The following PARD3B variants were observed in gnomAD, a reference collection of about 807,000 sequenced individuals.
The protein encoded by PARD3B is partitioning defective 3 homolog B.
Under a neutral mutation model 130.2 loss-of-function variants are expected in PARD3B, and 103 were observed. The ratio of observed to expected loss-of-function variants is 0.79; its 90% CI spans 0.67 to 0.93. The LOEUF is 0.93. PARD3B is among the 40% of genes least tolerant of loss of function. The pLI is 0.00. For missense variants in PARD3B, 1,609 were observed against 1,499.2 expected (o/e 1.07, Z -1.21); for synonymous variants, 583 against 553.2 (o/e 1.05, Z -0.76).
rs770617179 is a variant in PARD3B at position 205,021,484 on chromosome 2, A to G, written c.395-26097A>G. On this transcript the variant is annotated intron_variant, in intron 3 of 22. Transcript: ENST00000406610. The surrounding 1 kb of genome is among the most constrained non-coding windows in gnomAD (Gnocchi z 4.5). Reference sequence around the variant, plus strand: ...TGCTCACACAGCCTCTGGAAGTGGTAACTTTGGAAGGACTGGTTGCAAAGT... The same window carrying G: ...TGCTCACACAGCCTCTGGAAGTGGTGACTTTGGAAGGACTGGTTGCAAAGT... Among the ~76,000 whole-genome samples the G allele has an allele frequency of 1.2e-4, 18 of 152,068 alleles. No homozygotes were observed. Among genetic ancestry groups the G allele is most frequent in the Admixed American group, 2.0e-4 (3 of 15,248 alleles).
At chr2:204,873,488 T>C (rs533537117) in intron 2 of PARD3B, among the ~76,000 whole-genome samples, 2 of 152,252 alleles carry the variant, frequency 1.3e-5, no homozygotes, top group African/African-American at 4.8e-5. Flanking sequence ...TCCGCAGGAC[T>C]TTCCTAAGCA....
chr2:205,064,062 A>G (rs1700216057), intron 4 of PARD3B, among the ~76,000 whole-genome samples: 2 of 152,222 alleles, frequency 1.3e-5, no homozygotes, highest in African/African-American at 4.8e-5. Context: ...CATTGGGAAC[A>G]GCCCTGTGGA....
intron 21 of PARD3B, among the ~76,000 whole-genome samples, chr2:205,547,090 A>G (rs2052412035): frequency 6.6e-6 from 1 of 152,290 alleles, no homozygotes; most frequent in Non-Finnish European, 1.5e-5. Context: ...CTAACATTGT[A>G]TCCCTGAGGG....
intron 20 of PARD3B, among the ~76,000 whole-genome samples, chr2:205,491,430 T>C (rs2049705573): frequency 6.6e-6 from 1 of 152,162 alleles, no homozygotes; most frequent in South Asian, 2.1e-4. Context: ...ATATGCAGCA[T>C]TATTTCTGAG....
intron 15 of PARD3B, among the ~76,000 whole-genome samples, chr2:205,205,132 T>C (rs1002928018): frequency 6.6e-6 from 1 of 152,194 alleles, no homozygotes. Context: ...CCTTGAGCAG[T>C]GGTTTGTAGT....
intron 1 of PARD3B, among the ~76,000 whole-genome samples, chr2:204,562,585 C>T (rs966865104): frequency 1.7e-4 from 26 of 152,086 alleles, no homozygotes; most frequent in Non-Finnish European, 2.8e-4. Flanking sequence ...TTTTACTTGT[C>T]ATCTTGTTTT....
intron 1 of PARD3B, among the ~76,000 whole-genome samples, chr2:204,651,221 GAGACA>G (rs2035465510): frequency 6.6e-6 from 1 of 152,270 alleles, no homozygotes; most frequent in East Asian, 1.9e-4. Context: ...AGTCTCATCA[GAGACA>G]AGACAAGTCC....
intron 18 of PARD3B, among the ~76,000 whole-genome samples, chr2:205,383,813 T>C (rs2045567186): frequency 6.6e-6 from 1 of 152,114 alleles, no homozygotes; most frequent in Admixed American, 6.6e-5. Flanking sequence ...ATATGTAGCC[T>C]TTTGGATCTG....
At chr2:205,583,663 A>G (rs978362956) in intron 22 of PARD3B, among the ~76,000 whole-genome samples, 3 of 152,204 alleles carry the variant, frequency 2.0e-5, no homozygotes, top group Non-Finnish European at 2.9e-5. Context: ...TTTTAATCCA[A>G]TAGTCCCAAA....
intron 3 of PARD3B, among the ~76,000 whole-genome samples, chr2:204,994,093 G>C (rs1474887208): frequency 1.4e-5 from 2 of 148,048 alleles, no homozygotes; most frequent in Non-Finnish European, 3.0e-5. Flanking sequence ...GTTCTGCTCT[G>C]ATTTTAGTTA....
intron 5 of PARD3B, among the ~76,000 whole-genome samples, chr2:205,112,178 C>T (rs1703692343): frequency 6.6e-6 from 1 of 151,984 alleles, no homozygotes; most frequent in Non-Finnish European, 1.5e-5. Context: ...TATATATCAG[C>T]AATATCTGGG....
intron 19 of PARD3B, among the ~76,000 whole-genome samples, chr2:205,426,393 G>A (rs1372231784): frequency 1.3e-5 from 2 of 152,180 alleles, no homozygotes; most frequent in African/African-American, 4.8e-5. Context: ...GATAATTATA[G>A]TGACCTAATT....
At chr2:204,631,313 G>A (rs1029290359) in intron 1 of PARD3B, among the ~76,000 whole-genome samples, 5 of 150,584 alleles carry the variant, frequency 3.3e-5, no homozygotes, top group African/African-American at 1.2e-4. Flanking sequence ...GCAGTGGCAC[G>A]ATCTCAGCTC....
At chr2:205,508,962 ATTTT>A (rs199907976) in intron 21 of PARD3B, among the ~76,000 whole-genome samples, 2 of 141,020 alleles carry the variant, frequency 1.4e-5, no homozygotes, top group African/African-American at 5.2e-5. Flanking sequence ...AATAAACTGA[ATTTT>A]TTTTTTTTTT....
intron 2 of PARD3B, among the ~76,000 whole-genome samples, chr2:204,847,339 T>A (rs888077092): frequency 6.6e-6 from 1 of 152,122 alleles, no homozygotes; most frequent in Admixed American, 6.6e-5. Flanking sequence ...ACATGCAGAA[T>A]TGAAACAATT....
chr2:205,161,358 C>T (rs1469982720), intron 11 of PARD3B, among the ~76,000 whole-genome samples: 1 of 152,046 alleles, frequency 6.6e-6, no homozygotes, highest in Non-Finnish European at 1.5e-5. Flanking sequence ...CATTAAAAAC[C>T]ACTGGACAGC....
At chr2:204,695,552 G>T (rs114159992) in intron 2 of PARD3B, among the ~76,000 whole-genome samples, 1 of 152,066 alleles carries the variant, frequency 6.6e-6, no homozygotes. Context: ...ATTTTAAGCT[G>T]TCTCAACCTC....
At chr2:205,570,177 G>GTT (rs1210125898) in intron 22 of PARD3B, among the ~76,000 whole-genome samples, 1 of 152,164 alleles carries the variant, frequency 6.6e-6, no homozygotes, top group Non-Finnish European at 1.5e-5. Flanking sequence ...ACAGTGATTA[G>GTT]TTTCAAGGGA....
chr2:205,212,176 A>C (rs1378503381), intron 15 of PARD3B, among the ~76,000 whole-genome samples: 1 of 139,998 alleles, frequency 7.1e-6, no homozygotes, highest in African/African-American at 2.7e-5. Context: ...TTGTTAATAT[A>C]AACAGTATTC....
Sources: allele counts gnomAD v4.1 joint callset (sites outside exome capture counted in the v4.1 genomes callset), GRCh38; gene constraint gnomAD v4.1.1; non-coding constraint Gnocchi (gnomAD v3.1); transcripts MANE v1.5; gene names NCBI Gene and HGNC (gene_info 2026-07-23, HGNC 2026-07-21).